Variants in FSTL5 observed in about 807,000 individuals in gnomAD.
FSTL5 encodes the protein follistatin-related protein 5.
A neutral mutation model predicts 89.1 loss-of-function variants in FSTL5; 62 were observed. That is an observed-to-expected ratio of 0.70 (90% CI 0.57 to 0.86). The LOEUF (loss-of-function observed/expected upper bound fraction) is 0.86, where lower values mean the gene tolerates loss of function less well. Ranked by LOEUF, FSTL5 falls within the 40% of genes least tolerant of loss-of-function variation. The probability of loss-of-function intolerance (pLI) is 0.00; values close to 1 mark genes in which losing one functional copy is unlikely to be tolerated. For missense variants in FSTL5, 1,057 were observed against 1,001.6 expected (o/e 1.06, Z -0.75); for synonymous variants, 383 against 346.2 (o/e 1.11, Z -1.18).
intron 2 of FSTL5, among the ~76,000 whole-genome samples, chr4:162,110,632 A>C (rs1410285755): frequency 6.6e-6 from 1 of 151,744 alleles, no homozygotes; most frequent in African/African-American, 2.4e-5. Flanking sequence ...AAAAGTTGAG[A>C]ATATTATTTT....
chr4:161,670,767 A>C (rs1020634979), intron 6 of FSTL5, among the ~76,000 whole-genome samples: 1 of 152,208 alleles, frequency 6.6e-6, no homozygotes, highest in Non-Finnish European at 1.5e-5. Flanking sequence ...GCAATTCTTC[A>C]CAGGGTCCAA....
intron 6 of FSTL5, among the ~76,000 whole-genome samples, chr4:161,745,306 C>G (rs1363029974): frequency 6.6e-6 from 1 of 151,998 alleles, no homozygotes; most frequent in African/African-American, 2.4e-5. Flanking sequence ...GCAGTGTGAT[C>G]TCATATAAAA....
At chr4:162,160,379 A>G (rs1468237749) in intron 1 of FSTL5, among the ~76,000 whole-genome samples, 2 of 151,868 alleles carry the variant, frequency 1.3e-5, no homozygotes, top group Non-Finnish European at 3.0e-5. Context: ...CAGCTAACCT[A>G]AAGTAGGATA....
At chr4:162,127,486 G>GTCATTCAAGCATTTTTTTC (rs901664729) in intron 1 of FSTL5, among the ~76,000 whole-genome samples, 2 of 152,128 alleles carry the variant, frequency 1.3e-5, no homozygotes, top group African/African-American at 4.8e-5. Flanking sequence ...AAACTTAAAA[G>GTCATTCAAGCATTTTTTTC]TCATTCAAGC....
intron 4 of FSTL5, among the ~76,000 whole-genome samples, chr4:161,782,816 T>G (rs1353914127): frequency 6.6e-6 from 1 of 152,234 alleles, no homozygotes; most frequent in South Asian, 2.1e-4. Context: ...AAACATAGTT[T>G]GATATTCTAG....
intron 1 of FSTL5, among the ~76,000 whole-genome samples, chr4:162,137,917 G>T (rs1732580378): frequency 6.6e-6 from 1 of 151,940 alleles, no homozygotes; most frequent in Admixed American, 6.6e-5. Flanking sequence ...TACATTTAGG[G>T]GTAATGGAAG....
chr4:161,697,915 C>T (rs78589133), intron 6 of FSTL5, among the ~76,000 whole-genome samples: 2,614 of 151,756 alleles, frequency 0.017, 77 homozygotes, highest in African/African-American at 0.058. Flanking sequence ...GGACACTGTC[C>T]ATTCAGTTAC....
chr4:162,080,962 T>C (rs1260363855), intron 2 of FSTL5, among the ~76,000 whole-genome samples: 2 of 151,672 alleles, frequency 1.3e-5, no homozygotes, highest in Admixed American at 6.6e-5. Flanking sequence ...TAAAAAGTAT[T>C]ATTCTATGCA....
chr4:161,749,081 G>A (rs1408651061), intron 6 of FSTL5, among the ~76,000 whole-genome samples: 1 of 152,162 alleles, frequency 6.6e-6, no homozygotes, highest in Non-Finnish European at 1.5e-5. Context: ...TGGTGGGGAT[G>A]TAAATTAGTT....
intron 5 of FSTL5, among the ~76,000 whole-genome samples, chr4:161,764,350 C>T (rs1740913380): frequency 6.6e-6 from 1 of 152,056 alleles, no homozygotes; most frequent in Non-Finnish European, 1.5e-5. Context: ...CCTTTGCCTC[C>T]TGGGTTCAAG....
intron 4 of FSTL5, among the ~76,000 whole-genome samples, chr4:161,898,278 G>A (rs549585745): frequency 6.6e-6 from 1 of 151,438 alleles, no homozygotes; most frequent in African/African-American, 2.4e-5. Context: ...ATATATCACT[G>A]TTTACCCATT....
intron 8 of FSTL5, chr4:161,552,708 G>A (rs1432797205): frequency 6.6e-6 from 1 of 151,430 alleles, no homozygotes; most frequent in African/African-American, 2.4e-5. Flanking sequence ...TTAGTTTATT[G>A]GTGTTAAATG....
chr4:162,110,710 T>G (rs554015968), intron 2 of FSTL5, among the ~76,000 whole-genome samples: 1 of 151,700 alleles, frequency 6.6e-6, no homozygotes, highest in African/African-American at 2.4e-5. Flanking sequence ...TATAATTTAT[T>G]ATATGCCTAA....
At chr4:161,722,745 T>C (rs1036135910) in intron 6 of FSTL5, among the ~76,000 whole-genome samples, 4 of 152,182 alleles carry the variant, frequency 2.6e-5, no homozygotes, top group Admixed American at 2.6e-4. Context: ...AGCCAAACTA[T>C]TTTTAAATGG....
chr4:161,695,707 G>T (rs1738133007), intron 6 of FSTL5, among the ~76,000 whole-genome samples: 1 of 151,896 alleles, frequency 6.6e-6, no homozygotes. Flanking sequence ...TCATTTCCCT[G>T]ATCATTAGTG....
chr4:162,107,626 C>T (rs1229597355), intron 2 of FSTL5, among the ~76,000 whole-genome samples: 1 of 152,090 alleles, frequency 6.6e-6, no homozygotes, highest in African/African-American at 2.4e-5. Context: ...CAACAACCAT[C>T]AGGAGAAGAC....
intron 6 of FSTL5, among the ~76,000 whole-genome samples, chr4:161,694,365 T>C (rs1198770847): frequency 1.3e-5 from 2 of 152,130 alleles, no homozygotes; most frequent in African/African-American, 4.8e-5. Context: ...AATGTTGTAT[T>C]TTTCTTCTGT....
intron 1 of FSTL5, among the ~76,000 whole-genome samples, chr4:162,148,072 C>T (rs563435182): frequency 4.1e-4 from 63 of 152,248 alleles, no homozygotes; most frequent in African/African-American, 1.5e-3. Flanking sequence ...TATACCTAGC[C>T]AACCAACCCA....
chr4:161,517,462 A>G (rs28645254), intron 10 of FSTL5, among the ~76,000 whole-genome samples: 46 of 152,334 alleles, frequency 3.0e-4, no homozygotes, highest in African/African-American at 1.1e-3. Context: ...GCTCAGTGGA[A>G]TAGATGCCTG....
Sources: allele counts gnomAD v4.1 joint callset (sites outside exome capture counted in the v4.1 genomes callset), GRCh38; gene constraint gnomAD v4.1.1; transcripts MANE v1.5; gene names NCBI Gene and HGNC (gene_info 2026-07-23, HGNC 2026-07-21).